KITLG: variants seen among roughly 807,000 people sequenced by gnomAD.
The protein encoded by KITLG is KIT ligand, also known as c-Kit ligand.
A neutral mutation model predicts 34.1 loss-of-function variants in KITLG; 13 were observed. The ratio of observed to expected loss-of-function variants is 0.38; its 90% CI spans 0.25 to 0.61. The LOEUF (loss-of-function observed/expected upper bound fraction) is 0.61, where lower values mean the gene tolerates loss of function less well. Ranked by LOEUF, KITLG falls within the 20% of genes least tolerant of loss-of-function variation. The pLI is 0.60. For synonymous variants in KITLG, 110 were observed against 104.0 expected, an observed-to-expected ratio of 1.06 and a Z score of -0.35; for missense variants, 292 against 318.9, an observed-to-expected ratio of 0.92 and a Z score of 0.64.
intron 2 of KITLG, among the ~76,000 whole-genome samples, chr12:88,542,472 T>C (rs1870551381): frequency 6.6e-6 from 1 of 152,140 alleles, no homozygotes; most frequent in Admixed American, 6.6e-5. Context: ...AAACCTAGTA[T>C]TCCCGACTTC....
intron 1 of KITLG, among the ~76,000 whole-genome samples, chr12:88,555,422 G>A (rs1479173005): frequency 1.3e-5 from 2 of 152,164 alleles, no homozygotes; most frequent in Non-Finnish European, 2.9e-5. Context: ...TGGCCACTTT[G>A]CTAGGAAATT....
intron 4 of KITLG, 71 bp from the exon 5 acceptor site, chr12:88,516,561 T>A: frequency 1.0e-6 from 1 of 957,346 alleles, no homozygotes; most frequent in Admixed American, 2.4e-5. Context: ...TAATGGACTA[T>A]AAATATGTCT....
chr12:88,547,205 A>T (rs964973286), intron 1 of KITLG, among the ~76,000 whole-genome samples: 7 of 152,366 alleles, frequency 4.6e-5, no homozygotes, highest in South Asian at 2.1e-4. Context: ...GCCATATTAA[A>T]AAGGAACTGG....
At chr12:88,560,363 ACAAT>A (rs1373992909) in intron 1 of KITLG, among the ~76,000 whole-genome samples, 1 of 152,242 alleles carries the variant, frequency 6.6e-6, no homozygotes, top group Non-Finnish European at 1.5e-5. Flanking sequence ...AAATGACTAT[ACAAT>A]CATTCACAAT....
intron 6 of KITLG, among the ~76,000 whole-genome samples, chr12:88,507,817 G>A (rs1869121151): frequency 6.6e-6 from 1 of 152,114 alleles, no homozygotes; most frequent in Non-Finnish European, 1.5e-5. Context: ...GAAACTCAAT[G>A]AGAGAGAACA....
At chr12:88,534,607 T>C in intron 2 of KITLG, 1 of 466,520 alleles carries the variant, frequency 2.1e-6, no homozygotes, top group South Asian at 1.6e-5. Context: ...CCTCAAGTGA[T>C]CTGCCTGCCT....
chr12:88,545,998 A>G (rs780416692), intron 1 of KITLG, 133 bp from the exon 2 acceptor site: 40 of 742,352 alleles, frequency 5.4e-5, no homozygotes, highest in South Asian at 5.3e-4. Context: ...GCAATTAAAT[A>G]TTACGCATTC....
In KITLG at chr12:88,512,487, T is replaced by G. The variant is rs147112859; in HGVS notation, c.604+3047A>C. The stretch of plus-strand genomic sequence containing the variant: ...AAATGGATTAAAAAATTTGAAAAAT[T>G]TATGACTATTTTTTCCCCAAATTTG... On this transcript the variant is annotated intron_variant, in intron 6 of 9. Transcript: ENST00000644744. 1.5e-4 allele frequency among the ~76,000 whole-genome samples: 23 copies of G among 152,132 alleles called. No individual in the cohort carries two copies. The East Asian group carries it at 4.1e-3, about 27-fold the overall frequency.
At chr12:88,571,766 C>G (rs1317858355) in intron 1 of KITLG, among the ~76,000 whole-genome samples, 4 of 152,122 alleles carry the variant, frequency 2.6e-5, no homozygotes, top group Admixed American at 6.5e-5. Flanking sequence ...TTTTGAACAT[C>G]TGAGTTGCAT....
chr12:88,542,674 A>G (rs1191542495), intron 2 of KITLG, among the ~76,000 whole-genome samples: 1 of 152,056 alleles, frequency 6.6e-6, no homozygotes, highest in Non-Finnish European at 1.5e-5. Context: ...TATAAACATT[A>G]TGGCCTAAGC....
At chr12:88,545,973 GT>G (rs775359738) in intron 1 of KITLG, 108 bp from the exon 2 acceptor site, 1 of 759,824 alleles carries the variant, frequency 1.3e-6, no homozygotes, top group Non-Finnish European at 2.4e-6. Context: ...TCTAATATAT[GT>G]TATTGGCTTA....
At chr12:88,531,018 A>G (rs1870063849) in intron 3 of KITLG, among the ~76,000 whole-genome samples, 1 of 152,214 alleles carries the variant, frequency 6.6e-6, no homozygotes, top group African/African-American at 2.4e-5. Flanking sequence ...AGTTGTAGAG[A>G]AGAGAGTAAC....
At chr12:88,534,374 C>CA (rs1555255237) in intron 2 of KITLG, among the ~76,000 whole-genome samples, 253 of 151,386 alleles carry the variant, frequency 1.7e-3, no homozygotes, top group Non-Finnish European at 2.2e-3. Flanking sequence ...ATCATTGCTG[C>CA]TTTTTTTTTC....
chr12:88,548,542 G>A (rs1870793120), intron 1 of KITLG, among the ~76,000 whole-genome samples: 1 of 151,892 alleles, frequency 6.6e-6, no homozygotes, highest in South Asian at 2.1e-4. Flanking sequence ...GAAAGTCACT[G>A]AACACTCAAG....
chr12:88,525,445 T>C (rs1335660187), intron 3 of KITLG, among the ~76,000 whole-genome samples: 2 of 152,166 alleles, frequency 1.3e-5, no homozygotes, highest in African/African-American at 2.4e-5. Flanking sequence ...AGCGACTATA[T>C]GCATTGGATT....
At chr12:88,568,280 CATTTATTTATTTATTTATTTATTT>C (rs59218602) in intron 1 of KITLG, among the ~76,000 whole-genome samples, 2 of 147,046 alleles carry the variant, frequency 1.4e-5, no homozygotes, top group Non-Finnish European at 3.0e-5. Context: ...CATATTATCT[CATTTATTTATTTATTTATTTATTT>C]ATTTATTTAT....
intron 2 of KITLG, among the ~76,000 whole-genome samples, chr12:88,533,145 C>A (rs1161906367): frequency 2.6e-5 from 4 of 152,258 alleles, no homozygotes; most frequent in Non-Finnish European, 2.9e-5. Flanking sequence ...TAACTTAATT[C>A]TCTTACCTTC....
intron 3 of KITLG, among the ~76,000 whole-genome samples, chr12:88,519,223 T>C (rs1390055043): frequency 3.9e-5 from 6 of 152,076 alleles, no homozygotes; most frequent in African/African-American, 1.4e-4. Flanking sequence ...GGGGTTATTG[T>C]AACAGGAAGA....
At chr12:88,515,660 G>C in intron 5 of KITLG, 43 bp from the exon 6 acceptor site, 1 of 1,431,540 alleles carries the variant, frequency 7.0e-7, no homozygotes, top group Non-Finnish European at 9.8e-7. Context: ...ATGGTGATTT[G>C]TATGAGTTAT....
Sources: gnomAD v4.1 joint callset for allele counts (sites outside exome capture counted in the v4.1 genomes callset) on GRCh38, gnomAD v4.1.1 for gene constraint, MANE v1.5 for transcripts, NCBI Gene and HGNC (gene_info 2026-07-23, HGNC 2026-07-21) for gene names.